Variants in ANLN observed in about 807,000 individuals in gnomAD.
ANLN encodes the protein anillin.
In ANLN, 59 loss-of-function variants were observed where a neutral mutation model predicts 135.1. The ratio of observed to expected loss-of-function variants is 0.44; its 90% CI spans 0.35 to 0.54. ANLN has a LOEUF of 0.54. Among genes scored for constraint, ANLN ranks in the 20% least tolerant of loss-of-function variants. The pLI is 0.00. For missense variants in ANLN, 1,182 were observed against 1,340.0 expected (o/e 0.88, Z 1.84); for synonymous variants, 406 against 456.4 (o/e 0.89, Z 1.41).
intron 1 of ANLN, among the ~76,000 whole-genome samples, chr7:36,392,469 C>G (rs1307248574): frequency 1.4e-5 from 2 of 144,818 alleles, no homozygotes; most frequent in South Asian, 4.2e-4. Context: ...ACCTGAGATT[C>G]ATACATGTGG....
chr7:36,395,444 C>T (rs1244549298), intron 1 of ANLN, among the ~76,000 whole-genome samples: 1 of 152,132 alleles, frequency 6.6e-6, no homozygotes, highest in Non-Finnish European at 1.5e-5. Context: ...CTGTGTTTTC[C>T]ATCATAAGGA....
chr7:36,446,928 G>A (rs1187656946), intron 22 of ANLN, among the ~76,000 whole-genome samples: 1 of 152,090 alleles, frequency 6.6e-6, no homozygotes, highest in African/African-American at 2.4e-5. Context: ...CTTAATGTCT[G>A]CTAAGGCCAG....
At chr7:36,436,954 G>A (rs542602125) in intron 20 of ANLN, among the ~76,000 whole-genome samples, 20 of 152,250 alleles carry the variant, frequency 1.3e-4, no homozygotes, top group African/African-American at 4.8e-4. Flanking sequence ...TTGATAAAGT[G>A]CTTTGATGTG....
chr7:36,425,169 T>G (rs1032390994), intron 17 of ANLN, among the ~76,000 whole-genome samples: 15 of 151,880 alleles, frequency 9.9e-5, no homozygotes, highest in African/African-American at 3.6e-4. Context: ...TTTTTTTAGC[T>G]CTAACAAAAA....
chr7:36,436,470 G>A (rs988176708), intron 20 of ANLN, among the ~76,000 whole-genome samples: 7 of 152,252 alleles, frequency 4.6e-5, no homozygotes, highest in East Asian at 1.9e-4. Context: ...TCTTTTGTAC[G>A]TATACATAGG....
intron 3 of ANLN, among the ~76,000 whole-genome samples, chr7:36,400,256 C>T (rs115041300): frequency 9.9e-5 from 15 of 152,216 alleles, no homozygotes; most frequent in Admixed American, 9.8e-4. Context: ...AGAGAACTTT[C>T]TTTCATGTGT....
At position 36,396,350 on chromosome 7, in the gene ANLN, A is replaced by G. The variant is rs976651948; in HGVS notation, c.103A>G (p.Thr35Ala). The G allele has an allele frequency of 5.0e-6, 8 of 1,609,140 alleles. No individual in the cohort carries two copies. Among genetic ancestry groups the G allele is most frequent in the Non-Finnish European group, 6.8e-6 (8 of 1,176,244 alleles). The stretch of plus-strand genomic sequence containing the variant: ...GCCCACAGCAGCTCCAAGGTCTATG[A>G]CTCATGCTAAGCGAGCTAGACAGCC... ...ERPTAAPRSM[T>A]HAKRARQPLS... The change falls in exon 2 of 24, where the codon ACT becomes GCT. Residue 35 changes from threonine to alanine, a missense_variant. This residue lies in a region of ANLN where 1,022 missense variants were observed against 1,134.0 expected (regional missense o/e 0.90). Transcript: ENST00000265748.
intron 5 of ANLN, among the ~76,000 whole-genome samples, chr7:36,408,597 G>T (rs189140708): frequency 1.3e-5 from 2 of 152,068 alleles, no homozygotes; most frequent in Non-Finnish European, 2.9e-5. Context: ...TTCTTCTCTT[G>T]TAGCTATTTT....
intron 21 of ANLN, among the ~76,000 whole-genome samples, chr7:36,442,141 T>C (rs1788800142): frequency 6.6e-6 from 1 of 152,234 alleles, no homozygotes; most frequent in Non-Finnish European, 1.5e-5. Flanking sequence ...TATCCTATTG[T>C]CATAGGGTTG....
At chr7:36,417,006 A>C (rs1487179718) in intron 8 of ANLN, 74 bp from the exon 9 acceptor site, 1 of 766,384 alleles carries the variant, frequency 1.3e-6, no homozygotes, top group South Asian at 2.3e-5. Flanking sequence ...AAAAAAAAAC[A>C]CACACAAGAT....
intron 3 of ANLN, among the ~76,000 whole-genome samples, chr7:36,400,157 G>T (rs930952330): frequency 6.6e-6 from 1 of 152,184 alleles, no homozygotes; most frequent in African/African-American, 2.4e-5. Flanking sequence ...CCTATGCGAA[G>T]ACATGAAACA....
chr7:36,390,431 G>A (rs1786393738), intron 1 of ANLN: 1 of 248,986 alleles, frequency 4.0e-6, no homozygotes, highest in Non-Finnish European at 7.8e-6. Flanking sequence ...CGGGGCCGGT[G>A]ACTCAGTGCG....
In ANLN at chr7:36,426,055, A is replaced by G; in HGVS notation, c.2770+19A>G. ...TCTTCAGGTGAGTGTATCTTGAACT[A>G]TTTGAAACTTTAGAATAAGGTAAGG... On this transcript the variant is annotated intron_variant, in intron 19 of 23. Transcript: ENST00000265748. 6.9e-7 allele frequency: 1 copy of G among 1,458,982 alleles called. No individual in the cohort carries two copies. Among genetic ancestry groups the G allele is most frequent in the Non-Finnish European group, 9.1e-7 (1 of 1,097,676 alleles). The allele number at this position is 1,458,982 out of a possible 1,614,324, so 90.4% of individuals were successfully genotyped here.
chr7:36,400,082 CA>C (rs1298203213), intron 3 of ANLN, among the ~76,000 whole-genome samples: 1 of 151,608 alleles, frequency 6.6e-6, no homozygotes, highest in Non-Finnish European at 1.5e-5. Context: ...GAAGGGAAAA[CA>C]AAGAAGTGAA....
At chr7:36,428,384 A>T in intron 20 of ANLN, 1 of 1,250,492 alleles carries the variant, frequency 8.0e-7, no homozygotes, top group Non-Finnish European at 1.0e-6. Context: ...TCTTTGCTTG[A>T]AATTAATGAG....
chr7:36,416,760 C>T (rs989219574), intron 8 of ANLN, among the ~76,000 whole-genome samples: 3 of 151,622 alleles, frequency 2.0e-5, no homozygotes, highest in Non-Finnish European at 2.9e-5. Context: ...ATTTCTCTCT[C>T]GGTGGGGGAA....
Position 36,434,224 on chromosome 7 carries a change from G to A in ANLN, c.2884-4980G>A, listed in dbSNP as rs146265254. On this transcript the variant is annotated intron_variant, in intron 20 of 23. Transcript: ENST00000265748. ...CTGAAATTAGGCTATGGATAGATTT[G>A]GTTCAAGTTTTGTTTTAAATGCTTT... Among the ~76,000 whole-genome samples, 461 of 152,308 alleles carry A rather than the reference G, an allele frequency of 3.0e-3. 4 individuals are homozygous for A. The highest frequency in any genetic ancestry group is 0.011 in the African/African-American group (444 of 41,566).
chr7:36,437,346 G>A (rs1296545602), intron 20 of ANLN, among the ~76,000 whole-genome samples: 1 of 152,026 alleles, frequency 6.6e-6, no homozygotes, highest in African/African-American at 2.4e-5. Flanking sequence ...GTTTGTTCAT[G>A]TTGTAGCATA....
At chr7:36,403,867 C>T (rs767944530) in intron 3 of ANLN, among the ~76,000 whole-genome samples, 40 of 152,162 alleles carry the variant, frequency 2.6e-4, no homozygotes, top group Non-Finnish European at 4.0e-4. Flanking sequence ...TGCCGTGTTG[C>T]CCAGGTTGGT....
Sources: gnomAD v4.1 joint callset for allele counts (sites outside exome capture counted in the v4.1 genomes callset) on GRCh38, gnomAD v4.1.1 for gene constraint, gnomAD v4.1.1 regional missense constraint, MANE v1.5 for transcripts, NCBI Gene and HGNC (gene_info 2026-07-23, HGNC 2026-07-21) for gene names.